Variants in ENPP6 observed in about 807,000 individuals in gnomAD.
The protein encoded by ENPP6 is ectonucleotide pyrophosphatase/phosphodiesterase 6, also known as glycerophosphocholine cholinephosphodiesterase ENPP6.
In ENPP6, 32 loss-of-function variants were observed where a neutral mutation model predicts 42.0. The observed-to-expected ratio is 0.76, with a 90% confidence interval of 0.58 to 1.02. The LOEUF is 1.02. Ranked by LOEUF, ENPP6 falls within the 50% of genes least tolerant of loss-of-function variation. The probability of loss-of-function intolerance (pLI) is 0.00; values close to 1 mark genes in which losing one functional copy is unlikely to be tolerated. For missense variants in ENPP6, 552 were observed against 566.8 expected (o/e 0.97, Z 0.27); for synonymous variants, 213 against 216.0 (o/e 0.99, Z 0.12).
intron 6 of ENPP6, among the ~76,000 whole-genome samples, chr4:184,106,109 C>A (rs4993873): frequency 0.98 from 148,091 of 151,864 alleles, 72,291 homozygotes; most frequent in East Asian, 1. Context: ...GTCTTGGCTC[C>A]CTGAAACTGC....
chr4:184,171,844 GAGA>G (rs1161728511), intron 1 of ENPP6, among the ~76,000 whole-genome samples: 5 of 152,228 alleles, frequency 3.3e-5, no homozygotes, highest in African/African-American at 4.8e-5. Context: ...AGATAGAGCA[GAGA>G]AGAAGACGGA....
intron 2 of ENPP6, among the ~76,000 whole-genome samples, chr4:184,145,799 A>C (rs531094038): frequency 6.6e-6 from 1 of 152,220 alleles, no homozygotes; most frequent in East Asian, 1.9e-4. Context: ...CAGTTTGAAA[A>C]CCTCCGATAG....
chr4:184,200,104 G>A (rs1405668249), intron 1 of ENPP6, among the ~76,000 whole-genome samples: 14 of 152,214 alleles, frequency 9.2e-5, no homozygotes, highest in Admixed American at 6.5e-4. Flanking sequence ...AATAGAAAGT[G>A]AAAGGTGGCT....
At chr4:184,207,655 A>G (rs1733023401) in intron 1 of ENPP6, among the ~76,000 whole-genome samples, 1 of 152,220 alleles carries the variant, frequency 6.6e-6, no homozygotes, top group Non-Finnish European at 1.5e-5. Flanking sequence ...CTTCCAGCTC[A>G]GATCTCTCCT....
chr4:184,094,012 G>T (rs1046887884), intron 7 of ENPP6, among the ~76,000 whole-genome samples: 3 of 152,144 alleles, frequency 2.0e-5, no homozygotes, highest in East Asian at 1.9e-4. Flanking sequence ...GGGCACTATG[G>T]CTCACACCTG....
intron 2 of ENPP6, among the ~76,000 whole-genome samples, chr4:184,130,258 T>G (rs1042792003): frequency 1.3e-5 from 2 of 152,016 alleles, no homozygotes; most frequent in African/African-American, 4.8e-5. Context: ...GGGCAAGGGA[T>G]ATAAAGAGCC....
At chr4:184,191,544 G>C (rs1192927055) in intron 1 of ENPP6, among the ~76,000 whole-genome samples, 5 of 152,130 alleles carry the variant, frequency 3.3e-5, no homozygotes, top group Admixed American at 2.6e-4. Context: ...GCGATGGAGG[G>C]GGAAGCAGAA....
intron 2 of ENPP6, among the ~76,000 whole-genome samples, chr4:184,130,698 T>C (rs1461489961): frequency 7.2e-6 from 1 of 138,804 alleles, no homozygotes; most frequent in Non-Finnish European, 1.6e-5. Flanking sequence ...TTCTATATCA[T>C]TTGCAGCAGA....
chr4:184,180,181 G>A (rs904911637), intron 1 of ENPP6, among the ~76,000 whole-genome samples: 1 of 151,858 alleles, frequency 6.6e-6, no homozygotes, highest in Non-Finnish European at 1.5e-5. Context: ...AATTATAAAG[G>A]GGATATCACT....
At chr4:184,174,920 CT>C (rs1419743815) in intron 1 of ENPP6, among the ~76,000 whole-genome samples, 1 of 152,246 alleles carries the variant, frequency 6.6e-6, no homozygotes, top group Admixed American at 6.5e-5. Context: ...CTTACTGTCT[CT>C]TGTTTTCACT....
intron 2 of ENPP6, among the ~76,000 whole-genome samples, chr4:184,139,032 C>T (rs984716005): frequency 3.3e-5 from 5 of 152,212 alleles, no homozygotes; most frequent in African/African-American, 7.2e-5. Context: ...CTGCAGACAC[C>T]GTTCATTTGG....
chr4:184,099,464 C>T (rs1247073734), intron 6 of ENPP6, among the ~76,000 whole-genome samples: 1 of 152,168 alleles, frequency 6.6e-6, no homozygotes, highest in Non-Finnish European at 1.5e-5. Context: ...GTGCTAAGTC[C>T]CTGACACACA....
intron 6 of ENPP6, among the ~76,000 whole-genome samples, chr4:184,104,394 C>G (rs1736053446): frequency 6.6e-6 from 1 of 152,232 alleles, no homozygotes; most frequent in Non-Finnish European, 1.5e-5. Context: ...CTGCATTTCT[C>G]TCAAGTCAGG....
chr4:184,130,451 G>T (rs1346432645), intron 2 of ENPP6, among the ~76,000 whole-genome samples: 1 of 94,500 alleles, frequency 1.1e-5, no homozygotes, highest in African/African-American at 3.9e-5. Context: ...CCAGCTACTC[G>T]GGAGGCTGAG....
intron 2 of ENPP6, among the ~76,000 whole-genome samples, chr4:184,152,171 G>A (rs528166749): frequency 5.3e-5 from 8 of 152,204 alleles, no homozygotes; most frequent in South Asian, 2.1e-4. Flanking sequence ...CAGCTTGTAC[G>A]GTGCGCGCCA....
chr4:184,154,221 C>T (rs1272599886), intron 1 of ENPP6, among the ~76,000 whole-genome samples: 1 of 152,158 alleles, frequency 6.6e-6, no homozygotes, highest in Admixed American at 6.5e-5. Context: ...AAACCTATGA[C>T]GTTTGGAACA....
chr4:184,194,076 C>T (rs1369827083), intron 1 of ENPP6, among the ~76,000 whole-genome samples: 1 of 152,184 alleles, frequency 6.6e-6, no homozygotes, highest in Non-Finnish European at 1.5e-5. Context: ...ACTGTGCCCA[C>T]TGAATGTGAG....
chr4:184,161,928 G>A (rs1436699141), intron 1 of ENPP6, among the ~76,000 whole-genome samples: 1 of 152,126 alleles, frequency 6.6e-6, no homozygotes, highest in African/African-American at 2.4e-5. Context: ...ATTGGGTACA[G>A]TGTACACTGC....
At chr4:184,208,532 G>T (rs560316861) in intron 1 of ENPP6, among the ~76,000 whole-genome samples, 1 of 152,066 alleles carries the variant, frequency 6.6e-6, no homozygotes, top group South Asian at 2.1e-4. Flanking sequence ...CTTTTCCGAC[G>T]GGCTTAAAAA....
Sources: gnomAD v4.1 joint callset for allele counts (sites outside exome capture counted in the v4.1 genomes callset) on GRCh38, gnomAD v4.1.1 for gene constraint, MANE v1.5 for transcripts, NCBI Gene and HGNC (gene_info 2026-07-23, HGNC 2026-07-21) for gene names.